Variants in MYBL2 observed in about 807,000 individuals in gnomAD.
MYBL2 encodes MYB proto-oncogene like 2.
In MYBL2, 28 loss-of-function variants were observed where a neutral mutation model predicts 79.9. The observed-to-expected ratio is 0.35, with a 90% CI of 0.26 to 0.48. The LOEUF (loss-of-function observed/expected upper bound fraction) is 0.48. MYBL2 is among the 20% of genes least tolerant of loss of function. The probability of loss-of-function intolerance (pLI) is 0.99; values close to 1 mark genes in which losing one functional copy is unlikely to be tolerated. For synonymous variants in MYBL2, 378 were observed against 361.2 expected, an observed-to-expected ratio of 1.05 and a Z score of -0.53; for missense variants, 735 against 893.9, an observed-to-expected ratio of 0.82 and a Z score of 2.27.
intron 6 of MYBL2, among the ~76,000 whole-genome samples, chr20:43,695,037 A>ATTTT (rs3092677): frequency 6.9e-6 from 1 of 144,030 alleles, no homozygotes; most frequent in Non-Finnish European, 1.5e-5. Flanking sequence ...CAGGAGGTCA[A>ATTTT]TTTTTTTTTT....
At chr20:43,668,734 C>A (rs1267534830) in intron 1 of MYBL2, among the ~76,000 whole-genome samples, 1 of 149,634 alleles carries the variant, frequency 6.7e-6, no homozygotes, top group Non-Finnish European at 1.5e-5. Flanking sequence ...GCAGTCCAGG[C>A]CGGAGTGCTG....
chr20:43,670,469 A>C (rs35008755), intron 1 of MYBL2, among the ~76,000 whole-genome samples: 7,712 of 152,236 alleles, frequency 0.051, 582 homozygotes, highest in African/African-American at 0.16. Context: ...CTGGCCTAAA[A>C]AATTTAATTA....
intron 5 of MYBL2, among the ~76,000 whole-genome samples, chr20:43,690,063 A>G (rs919990508): frequency 3.3e-5 from 5 of 152,202 alleles, no homozygotes; most frequent in African/African-American, 4.8e-5. Context: ...TTGGCCTGCT[A>G]TAAGGCCAAG....
In MYBL2 at chr20:43,713,044, C is replaced by T; in HGVS notation, c.1762C>T (p.Leu588Phe). The T allele has an allele frequency of 1.9e-6, 3 of 1,613,356 alleles. No individual in the cohort carries two copies. Among genetic ancestry groups the T allele is most frequent in the Non-Finnish European group, 2.5e-6 (3 of 1,179,730 alleles). ...CAAGAAAGTCCGGAAGTCTCTGGCT[C>T]TTGACATTGTGGATGAGGATGTGAA... ...PIKKVRKSLALDIVDEDVKLM... is the reference protein window; with the variant it reads ...PIKKVRKSLAFDIVDEDVKLM... The change falls in exon 12 of 14, where the codon CTT becomes TTT. Residue 588 changes from leucine to phenylalanine, a missense_variant. By Grantham distance (22) the Leu-to-Phe change is conservative. Around this residue, in one of 5 missense-constraint regions of MYBL2, gnomAD observed 204 missense variants for 202.9 expected, o/e 1.01. Coordinates refer to ENST00000217026, the MANE Select transcript of MYBL2 (RefSeq NM_002466.4).
intron 2 of MYBL2, among the ~76,000 whole-genome samples, chr20:43,677,191 A>G (rs1987032548): frequency 6.6e-6 from 1 of 152,192 alleles, no homozygotes; most frequent in African/African-American, 2.4e-5. Context: ...GGCTTAGAAG[A>G]ATAAACAAGA....
At chr20:43,681,127 G>T (rs148722726) in intron 2 of MYBL2, among the ~76,000 whole-genome samples, 4 of 152,056 alleles carry the variant, frequency 2.6e-5, no homozygotes, top group African/African-American at 4.8e-5. Context: ...AGTTCATTTC[G>T]GGAGGCTATT....
intron 12 of MYBL2, among the ~76,000 whole-genome samples, chr20:43,713,374 G>A (rs576132791): frequency 1.4e-4 from 21 of 151,818 alleles, no homozygotes; most frequent in African/African-American, 4.8e-4. Flanking sequence ...GAGGGTCAGT[G>A]ATGTGTCTTT....
At chr20:43,711,724 C>T in intron 11 of MYBL2, 123 bp downstream of exon 11, 4 of 807,688 alleles carry the variant, frequency 5.0e-6, no homozygotes, top group Non-Finnish European at 7.9e-6. Flanking sequence ...AGCATATCCC[C>T]TTTGCCCCCT....
At chr20:43,705,855 C>T (rs940814389) in intron 9 of MYBL2, among the ~76,000 whole-genome samples, 52 of 152,118 alleles carry the variant, frequency 3.4e-4, no homozygotes, top group Non-Finnish European at 1.6e-4. Context: ...CATCCGCCAC[C>T]GCGCTCAGCT....
intron 7 of MYBL2, among the ~76,000 whole-genome samples, chr20:43,701,078 C>T (rs1987666191): frequency 6.6e-6 from 1 of 152,134 alleles, no homozygotes; most frequent in Admixed American, 6.6e-5. Flanking sequence ...GTGAGAGCAC[C>T]CCACGCTCAG....
chr20:43,710,801 A>G (rs181696583), intron 10 of MYBL2, among the ~76,000 whole-genome samples: 346 of 152,294 alleles, frequency 2.3e-3, no homozygotes, highest in Non-Finnish European at 3.2e-3. Flanking sequence ...ACCATGCTAC[A>G]TGAGCCGAGG....
chr20:43,692,876 A>G lies in MYBL2; in HGVS notation c.663+557A>G, dbSNP rs186790866. ...CATACAGCCATGTAACCACTGTCAC[A>G]GTCAAGGTATACAACAGTCCCATCA... On this transcript the variant is annotated intron_variant, in intron 6 of 13. Coordinates refer to ENST00000217026, the MANE Select transcript of MYBL2 (RefSeq NM_002466.4). Among the ~76,000 whole-genome samples, 300 of 152,354 alleles carry G rather than the reference A, an allele frequency of 2.0e-3. 1 individual carries two copies. Among genetic ancestry groups the G allele is most frequent in the Non-Finnish European group, 3.7e-3 (250 of 68,028 alleles).
chr20:43,678,444 G>A (rs1009654561), intron 2 of MYBL2, among the ~76,000 whole-genome samples: 1 of 152,188 alleles, frequency 6.6e-6, no homozygotes, highest in Admixed American at 6.5e-5. Flanking sequence ...GGTTAGCTTG[G>A]TTTTTGGATT....
intron 6 of MYBL2, among the ~76,000 whole-genome samples, chr20:43,695,199 C>A (rs1481792394): frequency 1.3e-5 from 2 of 152,066 alleles, no homozygotes; most frequent in African/African-American, 4.8e-5. Flanking sequence ...TCGCCACCAT[C>A]CTGGCAAATT....
rs1218242534 is a variant in MYBL2 at position 43,692,144 on chromosome 20, C to T, written c.501-13C>T. On this transcript the variant is annotated splice_polypyrimidine_tract_variant and intron_variant, in intron 5 of 13. Transcript: ENST00000217026. Reference sequence around the variant, plus strand: ...AGAGCTGGGGTTCAAAGGCCCCCTGCTGCCCCCTGCAGGACAGACAATGCT... The same window carrying T: ...AGAGCTGGGGTTCAAAGGCCCCCTGTTGCCCCCTGCAGGACAGACAATGCT... The T allele has an allele frequency of 6.2e-7, 1 of 1,612,862 alleles. No homozygotes were observed.
chr20:43,713,222 T>C, intron 12 of MYBL2, 116 bp downstream of exon 12: 10 of 423,864 alleles, frequency 2.4e-5, no homozygotes, highest in East Asian at 7.1e-5. Flanking sequence ...GGAGGGGCTA[T>C]CAGGGAGGGT....
In MYBL2 at chr20:43,716,165, C is replaced by A; in HGVS notation, c.*78C>A. On this transcript the variant is annotated 3_prime_UTR_variant, in exon 14 of 14. Transcript: ENST00000217026. ...AGAGGGGGTCTGTGAATCTGAGAGT[C>A]ATTCAGGTGACCTCCTGCAGGGAGC... 1.9e-6 allele frequency: 3 copies of A among 1,579,874 alleles called. No homozygotes were observed. Among genetic ancestry groups the A allele is most frequent in the Middle Eastern group, 1.7e-4 (1 of 5,816 alleles).
intron 2 of MYBL2, among the ~76,000 whole-genome samples, chr20:43,676,241 T>C (rs886289970): frequency 4.6e-5 from 7 of 152,004 alleles, no homozygotes; most frequent in Non-Finnish European, 7.4e-5. Flanking sequence ...TTTTTGATCC[T>C]CATCCTCCTC....
intron 8 of MYBL2, among the ~76,000 whole-genome samples, chr20:43,703,570 C>T (rs2145729512): frequency 6.6e-6 from 1 of 152,022 alleles, no homozygotes; most frequent in South Asian, 2.1e-4. Flanking sequence ...TGACCAAAGG[C>T]ACAGAAAAGG....
Sources: gnomAD v4.1 joint callset for allele counts (sites outside exome capture counted in the v4.1 genomes callset) on GRCh38, gnomAD v4.1.1 for gene constraint, gnomAD v4.1.1 regional missense constraint, MANE v1.5 for transcripts, NCBI Gene and HGNC (gene_info 2026-07-23, HGNC 2026-07-21) for gene names.